Variants in SPOCK1 observed in about 807,000 individuals in gnomAD.
SPOCK1 encodes the protein SPARC (osteonectin), cwcv and kazal like domains proteoglycan 1.
Under a neutral mutation model 55.3 loss-of-function variants are expected in SPOCK1, and 23 were observed. The observed-to-expected ratio is 0.42, with a 90% CI of 0.30 to 0.59. The LOEUF is 0.59. Among genes scored for constraint, SPOCK1 ranks in the 20% least tolerant of loss-of-function variants. The pLI, the probability that SPOCK1 is intolerant of heterozygous loss-of-function variation, is 0.22. For missense variants in SPOCK1, 499 were observed against 552.5 expected, an observed-to-expected ratio of 0.90 and a Z score of 0.97; for synonymous variants, 226 against 221.0, an observed-to-expected ratio of 1.02 and a Z score of -0.20.
chr5:137,247,926 C>T (rs568559725), intron 3 of SPOCK1, among the ~76,000 whole-genome samples: 2 of 152,264 alleles, frequency 1.3e-5, no homozygotes, highest in South Asian at 4.2e-4. Context: ...CCCCAAAAAC[C>T]CAAACACCTC....
intron 3 of SPOCK1, among the ~76,000 whole-genome samples, chr5:137,219,484 T>C (rs541062627): frequency 5.6e-4 from 86 of 152,328 alleles, no homozygotes; most frequent in African/African-American, 2.1e-3. Flanking sequence ...AGGGGATTCA[T>C]TATTCCAGGA....
intron 6 of SPOCK1, among the ~76,000 whole-genome samples, chr5:137,066,820 T>C (rs910630924): frequency 6.6e-6 from 1 of 152,158 alleles, no homozygotes; most frequent in Non-Finnish European, 1.5e-5. Context: ...GAAGTCACCA[T>C]GATCACATTT....
chr5:137,039,270 C>CTTCTTTTT (rs1751943520), intron 6 of SPOCK1, among the ~76,000 whole-genome samples: 2 of 88,900 alleles, frequency 2.2e-5, no homozygotes, highest in African/African-American at 7.4e-5. Context: ...GCCTGCCACA[C>CTTCTTTTT]TTTTTTTTTT....
At chr5:137,125,711 G>A (rs1753771872) in intron 4 of SPOCK1, among the ~76,000 whole-genome samples, 1 of 152,158 alleles carries the variant, frequency 6.6e-6, no homozygotes, top group Admixed American at 6.5e-5. Flanking sequence ...TGGTATTTTT[G>A]CATAGCAGCC....
chr5:137,485,723 C>G (rs1002562154), intron 2 of SPOCK1, among the ~76,000 whole-genome samples: 2 of 151,604 alleles, frequency 1.3e-5, no homozygotes, highest in Non-Finnish European at 2.9e-5. Context: ...ATTTTAAAAA[C>G]ACACACACAA....
chr5:137,159,413 C>T lies in SPOCK1; in HGVS notation c.233-18719G>A, dbSNP rs1754483619. Among the ~76,000 whole-genome samples, 5 of 152,126 alleles carry T rather than the reference C, an allele frequency of 3.3e-5. No individual in the cohort carries two copies. In the South Asian group the frequency reaches 1.0e-3, roughly 32 times the overall value. ...TAACGTTTTCTGGGATTTTGGTACA[C>T]CCATCACCTGAGTAGCATACACTGT... On this transcript the variant is annotated intron_variant, in intron 3 of 10. Transcript: ENST00000394945.
intron 2 of SPOCK1, among the ~76,000 whole-genome samples, chr5:137,303,383 A>C (rs549720891): frequency 1.3e-5 from 2 of 152,116 alleles, no homozygotes; most frequent in African/African-American, 4.8e-5. Flanking sequence ...TTTCTTATTG[A>C]ATGCTTATGA....
intron 3 of SPOCK1, among the ~76,000 whole-genome samples, chr5:137,144,868 G>GGA (rs751697070): frequency 9.9e-5 from 15 of 152,254 alleles, no homozygotes; most frequent in Non-Finnish European, 2.2e-4. Flanking sequence ...TCCTTGTCAT[G>GGA]GTGCTATTGA....
intron 5 of SPOCK1, among the ~76,000 whole-genome samples, chr5:137,080,467 C>T (rs1261511714): frequency 2.0e-5 from 3 of 152,190 alleles, no homozygotes; most frequent in African/African-American, 2.4e-5. Context: ...CCAAGTCACA[C>T]AAATGGTAAG....
At chr5:137,258,633 T>C (rs1248116076) in intron 3 of SPOCK1, among the ~76,000 whole-genome samples, 1 of 152,224 alleles carries the variant, frequency 6.6e-6, no homozygotes, top group Non-Finnish European at 1.5e-5. Context: ...TATAATTAAT[T>C]CAGGGACTGT....
intron 3 of SPOCK1, among the ~76,000 whole-genome samples, chr5:137,160,523 A>G (rs11750143): frequency 1.3e-5 from 1 of 75,606 alleles, no homozygotes; most frequent in Admixed American, 2.2e-4. Context: ...ATATATATAT[A>G]ATATATAAAA....
intron 3 of SPOCK1, among the ~76,000 whole-genome samples, chr5:137,227,474 A>G (rs182585823): frequency 1.3e-5 from 2 of 152,326 alleles, no homozygotes; most frequent in Admixed American, 1.3e-4. Flanking sequence ...AGGGTCATGA[A>G]ATCCTGACAA....
intron 2 of SPOCK1, among the ~76,000 whole-genome samples, chr5:137,360,378 T>G (rs1209016338): frequency 1.3e-5 from 2 of 152,206 alleles, no homozygotes; most frequent in South Asian, 2.1e-4. Flanking sequence ...CACATGGACC[T>G]TGAGCATCCC....
At chr5:137,307,897 A>G (rs6860778) in intron 2 of SPOCK1, among the ~76,000 whole-genome samples, 41,888 of 151,988 alleles carry the variant, frequency 0.28, 6,976 homozygotes, top group African/African-American at 0.46. Context: ...GAGCACTTTC[A>G]TTTCCAGGAA....
chr5:137,494,324 G>A (rs1327296825), intron 2 of SPOCK1, among the ~76,000 whole-genome samples: 2 of 152,120 alleles, frequency 1.3e-5, no homozygotes, highest in South Asian at 2.1e-4. Flanking sequence ...AACTTGCAAT[G>A]TGCTATCAGT....
chr5:137,331,541 G>A (rs1758182981), intron 2 of SPOCK1, among the ~76,000 whole-genome samples: 1 of 152,218 alleles, frequency 6.6e-6, no homozygotes, highest in Non-Finnish European at 1.5e-5. Context: ...GGCTGTATAA[G>A]CATGGTGCCG....
chr5:137,031,336 A>T (rs1034489863), intron 6 of SPOCK1, among the ~76,000 whole-genome samples: 1 of 152,232 alleles, frequency 6.6e-6, no homozygotes, highest in Non-Finnish European at 1.5e-5. Context: ...TCCAAAATTC[A>T]CCGGCTCTCA....
intron 3 of SPOCK1, among the ~76,000 whole-genome samples, chr5:137,251,762 T>C (rs2127106526): frequency 6.6e-6 from 1 of 152,250 alleles, no homozygotes; most frequent in East Asian, 1.9e-4. Context: ...CATAAAAAAA[T>C]TATAAAGCAA....
chr5:137,197,200 T>C (rs1404931519), intron 3 of SPOCK1, among the ~76,000 whole-genome samples: 2 of 152,230 alleles, frequency 1.3e-5, no homozygotes, highest in Non-Finnish European at 2.9e-5. Context: ...GGAACTCATA[T>C]GTCCAGGAGC....
Sources: gnomAD v4.1 joint callset for allele counts (sites outside exome capture counted in the v4.1 genomes callset) on GRCh38, gnomAD v4.1.1 for gene constraint, MANE v1.5 for transcripts, NCBI Gene and HGNC (gene_info 2026-07-23, HGNC 2026-07-21) for gene names.